The following COL19A1 variants were observed in gnomAD, a reference collection of about 807,000 sequenced individuals.
The protein encoded by COL19A1 is collagen type XIX alpha 1 chain.
In COL19A1, 159 loss-of-function variants were observed where a neutral mutation model predicts 190.2. The ratio of observed to expected loss-of-function variants is 0.84; its 90% CI spans 0.73 to 0.95. The LOEUF (loss-of-function observed/expected upper bound fraction) is 0.95, where lower values mean the gene tolerates loss of function less well. COL19A1 is among the 40% of genes least tolerant of loss of function. The pLI is 0.00. For missense variants in COL19A1, 1,418 were observed against 1,431.9 expected (o/e 0.99, Z 0.16); for synonymous variants, 509 against 458.9 (o/e 1.11, Z -1.39).
At position 69,959,979 on chromosome 6, in the gene COL19A1, C is replaced by G. The variant is rs372088366; in HGVS notation, c.937-17C>G. 1.6e-5 allele frequency: 25 copies of G among 1,610,820 alleles called. 1 individual carries two copies. The African/African-American group carries it at 2.3e-4, about 15-fold the overall frequency. On this transcript the variant is annotated splice_polypyrimidine_tract_variant and intron_variant, in intron 9 of 50. Transcript: ENST00000620364. ...ATCTTTATGGATCATAAACATTATT[C>G]TGTGTACTTCTTTTAGGGTGAAAAT...
intron 48 of COL19A1, among the ~76,000 whole-genome samples, chr6:70,197,038 A>G (rs1767239930): frequency 6.6e-6 from 1 of 152,134 alleles, no homozygotes; most frequent in East Asian, 1.9e-4. Flanking sequence ...GTACTTCTAA[A>G]CTCAATTCAT....
intron 46 of COL19A1, among the ~76,000 whole-genome samples, 186 bp downstream of exon 46, chr6:70,185,101 A>G (rs1766425568): frequency 6.6e-6 from 1 of 152,244 alleles, no homozygotes; most frequent in Non-Finnish European, 1.5e-5. Flanking sequence ...GTTATATGGT[A>G]CATCTATGTA....
intron 34 of COL19A1, among the ~76,000 whole-genome samples, chr6:70,159,213 G>T (rs1161438185): frequency 2.0e-5 from 3 of 151,646 alleles, no homozygotes; most frequent in Non-Finnish European, 4.4e-5. Flanking sequence ...GAATTTTATG[G>T]AAATATGGGT....
chr6:69,927,877 C>A (rs374018135), intron 4 of COL19A1, 32 bp from the exon 5 acceptor site: 3 of 1,578,054 alleles, frequency 1.9e-6, no homozygotes, highest in Non-Finnish European at 2.6e-6. Context: ...TCTCCAGTTT[C>A]CCCACAAAAG....
chr6:70,144,995 G>A lies in COL19A1; in HGVS notation c.1758G>A (p.Leu586=). The change falls in exon 25 of 51, where the codon CTG becomes CTA. Residue 586 remains leucine, a synonymous_variant. Coordinates refer to ENST00000620364, the MANE Select transcript of COL19A1 (RefSeq NM_001858.6). ...KGEAGPPGKS[L]PGEPGLDGNP... Reference sequence around the variant, plus strand: ...AGGCTGGTCCTCCAGGGAAAAGCCTGCCAGGGGAACCAGTAAGTATTAGCC... The same window carrying A: ...AGGCTGGTCCTCCAGGGAAAAGCCTACCAGGGGAACCAGTAAGTATTAGCC... The A allele has an allele frequency of 1.9e-6, 3 of 1,587,886 alleles. No individual in the cohort carries two copies. The highest frequency in any genetic ancestry group is 2.6e-6 in the Non-Finnish European group (3 of 1,165,124).
chr6:69,964,721 A>G (rs1774995279), intron 11 of COL19A1, among the ~76,000 whole-genome samples: 1 of 152,190 alleles, frequency 6.6e-6, no homozygotes, highest in African/African-American at 2.4e-5. Context: ...TGATTTAAAT[A>G]TATTAGAAAA....
intron 4 of COL19A1, among the ~76,000 whole-genome samples, chr6:69,922,477 G>GTTTT (rs5877232): frequency 4.4e-4 from 40 of 90,804 alleles, no homozygotes; most frequent in African/African-American, 1.3e-3. Flanking sequence ...TTCTATTTAG[G>GTTTT]TTTTTTTTTT....
intron 48 of COL19A1, among the ~76,000 whole-genome samples, chr6:70,192,587 T>C (rs1711709): frequency 0.067 from 8,654 of 130,056 alleles, 833 homozygotes; most frequent in African/African-American, 0.22. Flanking sequence ...GTCAGGAAGT[T>C]TGAAAAAAAG....
chr6:70,184,243 A>G (rs1766367276), intron 44 of COL19A1, among the ~76,000 whole-genome samples: 1 of 152,198 alleles, frequency 6.6e-6, no homozygotes, highest in African/African-American at 2.4e-5. Flanking sequence ...TTTACTGAGA[A>G]TGATACTCTG....
chr6:70,032,773 G>A (rs1283057296), intron 12 of COL19A1, among the ~76,000 whole-genome samples: 2 of 152,044 alleles, frequency 1.3e-5, no homozygotes, highest in Non-Finnish European at 2.9e-5. Context: ...AAGGCCAGAA[G>A]CAACTTCACA....
intron 48 of COL19A1, among the ~76,000 whole-genome samples, chr6:70,194,341 C>A (rs1211578630): frequency 1.3e-5 from 2 of 152,274 alleles, no homozygotes; most frequent in African/African-American, 4.8e-5. Context: ...CCTGGTGATA[C>A]AATACCCTAC....
intron 12 of COL19A1, among the ~76,000 whole-genome samples, chr6:70,028,772 T>C (rs1778862448): frequency 6.6e-6 from 1 of 152,108 alleles, no homozygotes; most frequent in African/African-American, 2.4e-5. Flanking sequence ...ACCCCAAAAT[T>C]ACCTCATGGA....
chr6:70,010,347 C>T (rs571252267), intron 11 of COL19A1, among the ~76,000 whole-genome samples: 8 of 149,436 alleles, frequency 5.4e-5, no homozygotes, highest in South Asian at 2.1e-4. Flanking sequence ...ACAAAGCAAA[C>T]GAGGGAGGAG....
At chr6:69,912,379 A>G (rs990527342) in intron 4 of COL19A1, among the ~76,000 whole-genome samples, 2 of 152,206 alleles carry the variant, frequency 1.3e-5, no homozygotes, top group African/African-American at 4.8e-5. Context: ...TACTTTCTAC[A>G]TACATCACTG....
chr6:70,178,099 T>C (rs1160538055), intron 42 of COL19A1, among the ~76,000 whole-genome samples: 2 of 152,208 alleles, frequency 1.3e-5, no homozygotes, highest in African/African-American at 4.8e-5. Context: ...ATTAAAAACA[T>C]TAACTGGCTA....
chr6:70,124,860 C>A (rs1785100219), intron 17 of COL19A1, among the ~76,000 whole-genome samples: 1 of 152,178 alleles, frequency 6.6e-6, no homozygotes, highest in African/African-American at 2.4e-5. Context: ...TTACCAAACA[C>A]TTTATTCTGT....
Position 70,149,891 on chromosome 6 carries a change from C to T in COL19A1, c.1970C>T (p.Thr657Ile), listed in dbSNP as rs1266818583. The T allele has an allele frequency of 6.2e-7, 1 of 1,613,764 alleles. No homozygotes were observed. Among genetic ancestry groups the T allele is most frequent in the Admixed American group, 1.7e-5 (1 of 59,958 alleles). The change falls in exon 29 of 51, where the codon ACT becomes ATT. Residue 657 changes from threonine to isoleucine, a missense_variant. Physicochemically the swap from Thr to Ile is moderately conservative, Grantham distance 89 (BLOSUM62 -1). Coordinates refer to ENST00000620364, the MANE Select transcript of COL19A1 (RefSeq NM_001858.6). ...CCTGGGTTGCCAGGAACTCCAGGGA[C>T]TCCAGGGAATGATGTAAGGACTTTC... ...GLPGLPGTPG[T>I]PGNDGVPGRD...
intron 13 of COL19A1, among the ~76,000 whole-genome samples, chr6:70,034,650 G>A (rs1041684712): frequency 6.6e-6 from 1 of 152,078 alleles, no homozygotes; most frequent in Non-Finnish European, 1.5e-5. Context: ...AGTGGCTTTT[G>A]GAAAGAAGCT....
chr6:70,033,322 G>A lies in COL19A1; in HGVS notation c.1081-923G>A, dbSNP rs141137375. 3.4e-4 allele frequency among the ~76,000 whole-genome samples: 51 copies of A among 152,208 alleles called. No individual in the cohort carries two copies. The East Asian group carries it at 3.9e-3, about 12-fold the overall frequency. ...ACAAAATGTCAGGGCAGTAATAGCC[G>A]GGTCTTTCAGCTAGGAACAGTAAGA... On this transcript the variant is annotated intron_variant, in intron 12 of 50. Coordinates refer to ENST00000620364, the MANE Select transcript of COL19A1 (RefSeq NM_001858.6).
Sources: allele counts gnomAD v4.1 joint callset (sites outside exome capture counted in the v4.1 genomes callset), GRCh38; gene constraint gnomAD v4.1.1; transcripts MANE v1.5; gene names NCBI Gene and HGNC (gene_info 2026-07-23, HGNC 2026-07-21).